The following TASOR2 variants were observed in gnomAD, a reference collection of about 807,000 sequenced individuals.
The protein encoded by TASOR2 is transcription activation suppressor family member 2, also known as protein TASOR 2.
Under a neutral mutation model 199.5 loss-of-function variants are expected in TASOR2, and 84 were observed. The observed-to-expected ratio is 0.42, with a 90% confidence interval of 0.35 to 0.50. The LOEUF is 0.50. TASOR2 is among the 20% of genes least tolerant of loss of function. TASOR2 has a pLI of 0.02. For synonymous variants in TASOR2, 1,103 were observed against 1,046.6 expected (o/e 1.05, Z -1.04); for missense variants, 2,796 against 2,835.9 (o/e 0.99, Z 0.32).
intron 1 of TASOR2, chr10:5,709,545 C>T (rs1831650946): frequency 8.1e-7 from 1 of 1,230,370 alleles, no homozygotes; most frequent in South Asian, 4.1e-5. Flanking sequence ...ATGACATTAA[C>T]AGAGAACAGG....
At chr10:5,739,428 A>T (rs1376120682) in intron 12 of TASOR2, among the ~76,000 whole-genome samples, 190 bp from the exon 14 acceptor site, 1 of 152,228 alleles carries the variant, frequency 6.6e-6, no homozygotes, top group Non-Finnish European at 1.5e-5. Context: ...AAATTTTAAT[A>T]TGCAATATGT....
intron 1 of TASOR2, chr10:5,712,291 A>G: frequency 2.5e-6 from 2 of 792,300 alleles, no homozygotes; most frequent in Admixed American, 4.3e-5. Context: ...TTAGTTATAT[A>G]GGAAAGGAAT....
In TASOR2 at chr10:5,718,784, G is replaced by A. The variant is rs956559902; in HGVS notation, c.-100+1034G>A. 4.0e-5 allele frequency among the ~76,000 whole-genome samples: 6 copies of A among 151,568 alleles called. No individual in the cohort carries two copies. The South Asian group carries it at 1.3e-3, about 32-fold the overall frequency. On this transcript the variant is annotated intron_variant, in intron 3 of 20. Coordinates refer to ENST00000328090, the Ensembl canonical transcript of TASOR2. Reference sequence around the variant, plus strand: ...CTCAAAAAAAAAAAAAAAAAGTGGTGGGGGAGTAACATTGCTTTGAGGTAC... The same window carrying A: ...CTCAAAAAAAAAAAAAAAAAGTGGTAGGGGAGTAACATTGCTTTGAGGTAC...
chr10:5,689,360 G>C lies in TASOR2; in HGVS notation c.-288+4185G>C, dbSNP rs569132495. Among the ~76,000 whole-genome samples, 2 of 152,278 alleles carry C rather than the reference G, an allele frequency of 1.3e-5. No individual in the cohort carries two copies. Among genetic ancestry groups the C allele is most frequent in the African/African-American group, 4.8e-5 (2 of 41,550 alleles). On this transcript the variant is annotated intron_variant, in intron 1 of 20. Transcript: ENST00000328090. This position sits in a 1 kb window ranked among gnomAD's most constrained non-coding sequence, Gnocchi z 4.1. ...CTCACGCCTGTAATCCCAGCACTTT[G>C]GGTGGCCGAGGTGGGCGGATCAAGA... is the stretch of plus-strand genomic sequence containing the variant.
At chr10:5,756,474 T>C (rs1838964938) in intron 15 of TASOR2, 139 bp from the exon 17 acceptor site, 3 of 663,410 alleles carry the variant, frequency 4.5e-6, no homozygotes, top group Non-Finnish European at 7.1e-6. Context: ...ATATAAAAGG[T>C]GCTTATTTAG....
intron 1 of TASOR2, among the ~76,000 whole-genome samples, chr10:5,708,476 C>G (rs1306976349): frequency 3.3e-5 from 5 of 152,132 alleles, no homozygotes; most frequent in African/African-American, 7.2e-5. Context: ...GTACTAATTT[C>G]TTTGCAGATT....
At chr10:5,724,621 T>TTATA (rs537496237) in intron 8 of TASOR2, 88 bp downstream of exon 9, 2 of 187,046 alleles carry the variant, frequency 1.1e-5, no homozygotes, top group Non-Finnish European at 1.1e-5. Context: ...TATATATATA[T>TTATA]TATATATATA....
intron 14 of TASOR2, among the ~76,000 whole-genome samples, chr10:5,745,815 A>C (rs759025674): frequency 1.6e-4 from 25 of 152,274 alleles, no homozygotes; most frequent in Non-Finnish European, 2.6e-4. Context: ...TTAAAAACAA[A>C]ATTGAATGCT....
rs761553784 is a variant in TASOR2, at chr10:5,748,585, TCTC to T, written c.5165_5167del (p.Ser1722del). 2 of 1,613,572 alleles carry T rather than the reference TCTC, an allele frequency of 1.2e-6. No homozygotes were observed. The highest frequency in any genetic ancestry group is 1.7e-6 in the Non-Finnish European group (2 of 1,180,030). The stretch of plus-strand genomic sequence containing the variant: ...TGGCCCTCAGTCCAACACCACATCT[TCTC>T]TAAAAGGTGAACGCAAAGCCATCCA... On this transcript the variant is annotated inframe_deletion, in exon 15 of 21. Transcript: ENST00000328090. This position sits in a 1 kb window ranked among gnomAD's most constrained non-coding sequence, Gnocchi z 5.1.
At chr10:5,700,055 T>G (rs1310337328) in intron 1 of TASOR2, among the ~76,000 whole-genome samples, 1 of 152,088 alleles carries the variant, frequency 6.6e-6, no homozygotes, top group African/African-American at 2.4e-5. Context: ...AACCATATAT[T>G]TATACCCATT....
At chr10:5,702,666 A>G (rs1255540644) in intron 1 of TASOR2, among the ~76,000 whole-genome samples, 5 of 129,554 alleles carry the variant, frequency 3.9e-5, no homozygotes, top group Non-Finnish European at 6.3e-5. Flanking sequence ...TTTTTTGGTA[A>G]GTAAGGATAG....
At position 5,732,227 on chromosome 10, in the gene TASOR2, T is replaced by G. The variant is rs141202813; in HGVS notation, c.1204+1024T>G. On this transcript the variant is annotated intron_variant, in intron 11 of 20. Coordinates refer to ENST00000328090, the Ensembl canonical transcript of TASOR2. Reference sequence around the variant, plus strand: ...AGAGTCATCTCAAATTGTGTTTTACTCTATTTTCTCTAAAAGAGTAGGGAA... The same window carrying G: ...AGAGTCATCTCAAATTGTGTTTTACGCTATTTTCTCTAAAAGAGTAGGGAA... Among the ~76,000 whole-genome samples, 327 of 152,360 alleles carry G rather than the reference T, an allele frequency of 2.1e-3. 3 individuals are homozygous for G. Among genetic ancestry groups the G allele is most frequent in the African/African-American group, 7.5e-3 (311 of 41,588 alleles).
intron 12 of TASOR2, 34 bp downstream of exon 13, chr10:5,735,580 C>G (rs1431881505): frequency 5.6e-6 from 9 of 1,601,424 alleles, no homozygotes; most frequent in Non-Finnish European, 7.7e-6. Flanking sequence ...TTTAAACACC[C>G]CAATACAGAT....
intron 1 of TASOR2, among the ~76,000 whole-genome samples, chr10:5,707,983 C>G (rs181613726): frequency 3.9e-4 from 60 of 152,248 alleles, no homozygotes; most frequent in Admixed American, 1.0e-3. Context: ...TAAACAACCT[C>G]CTTCATGAAT....
In TASOR2 at chr10:5,740,371, G is replaced by T. The variant is rs542819033; in HGVS notation, c.2201G>T (p.Arg734Leu). 1 of 1,614,188 alleles carries T rather than the reference G, an allele frequency of 6.2e-7. No homozygotes were observed. The highest frequency in any genetic ancestry group is 8.5e-7 in the Non-Finnish European group (1 of 1,180,044). ...CGTGTGAAAAAATCTTCTTGCTCTC[G>T]TATAGTGCTTAGCTGTGATGACTCC... The change falls in exon 13 of 21, where the codon CGT becomes CTT. Residue 734 changes from arginine to leucine, a missense_variant. By Grantham distance (102) the Arg-to-Leu change is moderately radical (BLOSUM62 -2). Around this residue, in one of 3 missense-constraint regions of TASOR2, gnomAD observed 847 missense variants for 887.4 expected, o/e 0.95. Coordinates refer to ENST00000328090, the Ensembl canonical transcript of TASOR2. This position sits in a 1 kb window ranked among gnomAD's most constrained non-coding sequence, Gnocchi z 5.3.
chr10:5,723,769 A>C, exon 7 of TASOR2: 1 of 1,602,530 alleles, frequency 6.2e-7, no homozygotes, highest in Non-Finnish European at 8.5e-7. Flanking sequence ...AATTACTTGG[A>C]GGAGAAAGGT....
intron 15 of TASOR2, among the ~76,000 whole-genome samples, chr10:5,753,648 C>G (rs1471999049): frequency 6.6e-6 from 1 of 152,318 alleles, no homozygotes; most frequent in African/African-American, 2.4e-5. Flanking sequence ...GCATGAGCCA[C>G]TCCGCCCAGC....
chr10:5,700,455 G>A (rs2131516106), intron 1 of TASOR2, among the ~76,000 whole-genome samples: 1 of 152,162 alleles, frequency 6.6e-6, no homozygotes, highest in Admixed American at 6.5e-5. Context: ...ACCCAGTAGT[G>A]GAATTGCTGG....
intron 3 of TASOR2, 94 bp downstream of exon 4, chr10:5,717,844 T>C (rs1832846526): frequency 2.2e-6 from 1 of 458,468 alleles, no homozygotes; most frequent in African/African-American, 2.0e-5. Flanking sequence ...AACATAGTTC[T>C]CACCAAAGTT....
Sources: allele counts gnomAD v4.1 joint callset (sites outside exome capture counted in the v4.1 genomes callset), GRCh38; gene constraint gnomAD v4.1.1; regional missense constraint gnomAD v4.1.1; non-coding constraint Gnocchi (gnomAD v3.1); transcripts MANE v1.5; gene names NCBI Gene and HGNC (gene_info 2026-07-23, HGNC 2026-07-21).